Variants in SDK1 observed in about 807,000 individuals in gnomAD.
SDK1 encodes sidekick cell adhesion molecule 1, also known as protein sidekick-1.
A neutral mutation model predicts 245.5 loss-of-function variants in SDK1; 157 were observed. That is an observed-to-expected ratio of 0.64 (90% confidence interval 0.56 to 0.73). The LOEUF (loss-of-function observed/expected upper bound fraction) is 0.73, where lower values mean the gene tolerates loss of function less well. Among genes scored for constraint, SDK1 ranks in the 30% least tolerant of loss-of-function variants. SDK1 has a pLI of 0.00. For missense variants in SDK1, 3,583 were observed against 3,002.3 expected (o/e 1.19, Z -4.52); for synonymous variants, 1,647 against 1,278.5 (o/e 1.29, Z -6.15).
intron 1 of SDK1, among the ~76,000 whole-genome samples, chr7:3,580,166 T>C (rs1165185254): frequency 2.0e-5 from 3 of 152,166 alleles, no homozygotes; most frequent in Non-Finnish European, 2.9e-5. Context: ...TAGAAAAATA[T>C]TTCATAGTCA....
chr7:4,227,394 C>T (rs1219103673), intron 40 of SDK1: 2 of 471,262 alleles, frequency 4.2e-6, no homozygotes, highest in Admixed American at 4.7e-5. Context: ...TGCATTTTGC[C>T]TCCTGCCTTG....
intron 5 of SDK1, among the ~76,000 whole-genome samples, chr7:3,935,958 A>G (rs1180339604): frequency 6.6e-6 from 1 of 152,360 alleles, no homozygotes; most frequent in Non-Finnish European, 1.5e-5. Context: ...TAGCAGCACT[A>G]TTCATGCTAA....
intron 1 of SDK1, among the ~76,000 whole-genome samples, chr7:3,452,622 G>A (rs1367897552): frequency 6.6e-6 from 1 of 152,114 alleles, no homozygotes. Flanking sequence ...AGTGAAAGAT[G>A]GAAATATTTG....
At chr7:3,806,396 T>TTAGGA (rs1199152101) in intron 4 of SDK1, among the ~76,000 whole-genome samples, 2 of 141,908 alleles carry the variant, frequency 1.4e-5, no homozygotes, top group Non-Finnish European at 3.2e-5. Flanking sequence ...GTGGATGTCC[T>TTAGGA]TGGGGGCCCT....
At chr7:3,755,801 A>G (rs528819700) in intron 4 of SDK1, among the ~76,000 whole-genome samples, 9 of 152,306 alleles carry the variant, frequency 5.9e-5, no homozygotes, top group African/African-American at 1.9e-4. Flanking sequence ...TTCACGTGGT[A>G]TAGTGCATCT....
At chr7:4,060,899 A>C (rs1779495698) in intron 19 of SDK1, among the ~76,000 whole-genome samples, 1 of 151,718 alleles carries the variant, frequency 6.6e-6, no homozygotes, top group Non-Finnish European at 1.5e-5. Context: ...TAAATAGGGA[A>C]TCCTTTACCC....
At chr7:3,310,782 G>T (rs1250224467) in intron 1 of SDK1, among the ~76,000 whole-genome samples, 5 of 152,152 alleles carry the variant, frequency 3.3e-5, no homozygotes, top group Non-Finnish European at 7.3e-5. Flanking sequence ...AAGAGGATAG[G>T]CTTGGCATAA....
chr7:3,669,406 A>G (rs1352555635), intron 4 of SDK1, among the ~76,000 whole-genome samples: 2 of 152,100 alleles, frequency 1.3e-5, no homozygotes, highest in Non-Finnish European at 2.9e-5. Flanking sequence ...TTGAAGATCT[A>G]CTTCTGCTCC....
chr7:3,739,578 T>G (rs1195909295), intron 4 of SDK1, among the ~76,000 whole-genome samples: 1 of 152,232 alleles, frequency 6.6e-6, no homozygotes, highest in Non-Finnish European at 1.5e-5. Context: ...GTCCCTCCAG[T>G]GAATTTATTT....
At chr7:3,692,668 T>G (rs1583313256) in intron 4 of SDK1, among the ~76,000 whole-genome samples, 1 of 152,144 alleles carries the variant, frequency 6.6e-6, no homozygotes, top group Non-Finnish European at 1.5e-5. Context: ...TTGGAATTAC[T>G]TGGTCAAAGG....
intron 5 of SDK1, among the ~76,000 whole-genome samples, chr7:3,908,164 T>C (rs1779023637): frequency 6.6e-6 from 1 of 152,190 alleles, no homozygotes; most frequent in Non-Finnish European, 1.5e-5. Flanking sequence ...TGCTGAGGGC[T>C]GCGGTACAGG....
intron 28 of SDK1, among the ~76,000 whole-genome samples, chr7:4,140,463 C>T (rs966556462): frequency 2.6e-5 from 4 of 152,214 alleles, no homozygotes; most frequent in Non-Finnish European, 4.4e-5. Flanking sequence ...CAGTTTCCCC[C>T]ACTCTGTGTC....
At chr7:3,729,590 G>T (rs954809852) in intron 4 of SDK1, among the ~76,000 whole-genome samples, 3 of 152,118 alleles carry the variant, frequency 2.0e-5, no homozygotes, top group African/African-American at 7.2e-5. Flanking sequence ...TAATTGGTTG[G>T]CCACATTACC....
At chr7:3,416,382 G>T (rs926438342) in intron 1 of SDK1, among the ~76,000 whole-genome samples, 15 of 151,916 alleles carry the variant, frequency 9.9e-5, no homozygotes, top group African/African-American at 4.8e-5. Context: ...TCTCCCCACG[G>T]GAGAAAGAAT....
At chr7:3,928,618 A>G (rs1028686452) in intron 5 of SDK1, among the ~76,000 whole-genome samples, 1 of 151,916 alleles carries the variant, frequency 6.6e-6, no homozygotes, top group African/African-American at 2.4e-5. Flanking sequence ...GAACTCAATA[A>G]AAGTTTTTTT....
At chr7:3,309,317 T>C (rs751459905) in intron 1 of SDK1, among the ~76,000 whole-genome samples, 1 of 151,498 alleles carries the variant, frequency 6.6e-6, no homozygotes, top group Non-Finnish European at 1.5e-5. Flanking sequence ...AACCACCAGA[T>C]GGCAACAGAA....
chr7:3,962,575 T>G, intron 8 of SDK1, 82 bp from the exon 9 acceptor site: 1 of 1,221,178 alleles, frequency 8.2e-7, no homozygotes, highest in Non-Finnish European at 1.1e-6. Flanking sequence ...AATATTGGCA[T>G]TCTAGCCTTT....
intron 37 of SDK1, among the ~76,000 whole-genome samples, chr7:4,209,068 A>G (rs932829349): frequency 2.0e-5 from 3 of 152,128 alleles, no homozygotes; most frequent in African/African-American, 4.8e-5. Context: ...CCCACAGACA[A>G]TGGACTCCGG....
chr7:3,971,393 G>A (rs1475987189), intron 11 of SDK1, 73 bp from the exon 12 acceptor site: 16 of 974,448 alleles, frequency 1.6e-5, no homozygotes, highest in Admixed American at 1.9e-5. Context: ...GATGACCAGG[G>A]CATTATCCCC....
Sources: gnomAD v4.1 joint callset for allele counts (sites outside exome capture counted in the v4.1 genomes callset) on GRCh38, gnomAD v4.1.1 for gene constraint, MANE v1.5 for transcripts, NCBI Gene and HGNC (gene_info 2026-07-23, HGNC 2026-07-21) for gene names.